Variants in PBLD observed in about 807,000 individuals in gnomAD.
The protein encoded by PBLD is phenazine biosynthesis-like domain-containing protein.
Under a neutral mutation model 31.3 loss-of-function variants are expected in PBLD, and 26 were observed. That is an observed-to-expected ratio of 0.83 (90% CI 0.61 to 1.15). The LOEUF is 1.15. PBLD is among the 50% of genes most tolerant of loss of function. PBLD has a pLI of 0.00. For missense variants in PBLD, 307 were observed against 351.7 expected, an observed-to-expected ratio of 0.87 and a Z score of 1.02; for synonymous variants, 114 against 129.0, an observed-to-expected ratio of 0.88 and a Z score of 0.79.
In PBLD at chr10:68,283,942, T is replaced by G; in HGVS notation, c.*235A>C. On this transcript the variant is annotated 3_prime_UTR_variant, in exon 10 of 10. Transcript: ENST00000358769. ...TTGTATTTGTAGTAGAGACGAGGTT[T>G]CACCATGTTGGCCAGGCTGGTGTCG... is the stretch of plus-strand genomic sequence containing the variant. 1 of 356,284 alleles carries G rather than the reference T, an allele frequency of 2.8e-6. No homozygotes were observed. The highest frequency in any genetic ancestry group is 5.2e-6 in the Non-Finnish European group (1 of 192,250). 22.1% of individuals were successfully genotyped at this position (356,284 alleles called of 1,614,324 possible). A position where few individuals can be genotyped will look rare whatever the true frequency, so the allele number is the denominator to read the frequency against.
At chr10:68,297,482 G>T (rs1272826713) in intron 2 of PBLD, among the ~76,000 whole-genome samples, 1 of 152,126 alleles carries the variant, frequency 6.6e-6, no homozygotes, top group Non-Finnish European at 1.5e-5. Flanking sequence ...GTGTCTAAAG[G>T]TGTTGTCTCC....
At chr10:68,320,006 AGAG>A (rs962072274) in intron 1 of PBLD, among the ~76,000 whole-genome samples, 3 of 151,876 alleles carry the variant, frequency 2.0e-5, no homozygotes, top group Admixed American at 1.3e-4. Context: ...TATTTTTAGT[AGAG>A]AAGAGGTTTC....
intron 1 of PBLD, among the ~76,000 whole-genome samples, chr10:68,322,345 A>G (rs2044847563): frequency 6.6e-6 from 1 of 152,080 alleles, no homozygotes; most frequent in Non-Finnish European, 1.5e-5. Context: ...AGCCGTACAT[A>G]AAATTTGGAG....
At chr10:68,322,008 C>G (rs557342987) in intron 1 of PBLD, among the ~76,000 whole-genome samples, 1 of 152,256 alleles carries the variant, frequency 6.6e-6, no homozygotes, top group South Asian at 2.1e-4. Context: ...CTCTCAGTAA[C>G]TTGCTTCCAA....
chr10:68,320,503 T>G (rs2044817731), intron 1 of PBLD, among the ~76,000 whole-genome samples: 1 of 152,132 alleles, frequency 6.6e-6, no homozygotes, highest in Non-Finnish European at 1.5e-5. Context: ...TCAAGTCCAT[T>G]ATATAAAATG....
intron 1 of PBLD, among the ~76,000 whole-genome samples, chr10:68,324,156 CTT>C (rs200031349): frequency 6.8e-6 from 1 of 146,192 alleles, no homozygotes. Context: ...TCCTAATTTT[CTT>C]TTTTTTTTTT....
At chr10:68,312,573 A>G (rs967713341) in intron 1 of PBLD, among the ~76,000 whole-genome samples, 1 of 86,550 alleles carries the variant, frequency 1.2e-5, no homozygotes, top group African/African-American at 4.5e-5. Context: ...TTTGTTATTG[A>G]TTTTCTTTCT....
intron 9 of PBLD, 141 bp downstream of exon 9, chr10:68,285,207 T>C: frequency 6.6e-7 from 1 of 1,514,112 alleles, no homozygotes; most frequent in African/African-American, 1.4e-5. Context: ...TCTTTAAGGG[T>C]GAAGGAATTT....
At chr10:68,330,577 G>C (rs1297855356) in intron 1 of PBLD, among the ~76,000 whole-genome samples, 2 of 152,076 alleles carry the variant, frequency 1.3e-5, no homozygotes, top group Non-Finnish European at 2.9e-5. Context: ...ACGGAGTCTC[G>C]CTCTGTCGCC....
chr10:68,285,149 C>A (rs2044270393), intron 9 of PBLD, 199 bp downstream of exon 9: 2 of 1,432,382 alleles, frequency 1.4e-6, no homozygotes, highest in Admixed American at 2.8e-5. Flanking sequence ...TCTGTACAGT[C>A]TCTGTATGTT....
At chr10:68,323,874 A>C (rs145033877) in intron 1 of PBLD, among the ~76,000 whole-genome samples, 5 of 152,214 alleles carry the variant, frequency 3.3e-5, no homozygotes, top group Admixed American at 6.5e-5. Context: ...GCCTGAGGCC[A>C]TCCCAAAAAA....
chr10:68,332,652 G>A (rs757949004), intron 1 of PBLD, 132 bp downstream of exon 1: 2 of 152,358 alleles, frequency 1.3e-5, no homozygotes, highest in Non-Finnish European at 2.9e-5. Context: ...GTAGTGAAGC[G>A]AGCAGGGAAA....
chr10:68,332,589 C>T (rs1342903057), intron 1 of PBLD, among the ~76,000 whole-genome samples, 195 bp downstream of exon 1: 1 of 152,170 alleles, frequency 6.6e-6, no homozygotes, highest in Non-Finnish European at 1.5e-5. Context: ...GAAAACTGAT[C>T]TAGAAGGCCA....
rs1269632031 is a variant in PBLD, at chr10:68,292,165, G to A, written c.357C>T (p.Ile119=). 3.1e-6 allele frequency: 5 copies of A among 1,613,848 alleles called. No individual in the cohort carries two copies. Among genetic ancestry groups the A allele is most frequent in the Middle Eastern group, 1.6e-4 (1 of 6,082 alleles). The change falls in exon 5 of 10, where the codon ATC becomes ATT. Residue 119 remains isoleucine, a synonymous_variant. Coordinates refer to ENST00000358769, the MANE Select transcript of PBLD (RefSeq NM_022129.4). ...CTGGATAAAGAGGCAAGTCCAGGAC[G>A]ATGCCATCCTCTGCTCGTCTGGCCC... ...ELRARRAEDG[I]VLDLPLYPAH...
chr10:68,331,311 C>G (rs796105373), intron 1 of PBLD: 9 of 152,372 alleles, frequency 5.9e-5, no homozygotes, highest in African/African-American at 2.2e-4. Flanking sequence ...TCGGCCTCCA[C>G]AGGCTAATCA....
chr10:68,310,365 GTATA>G lies in PBLD; in HGVS notation c.-59-3466_-59-3463del, dbSNP rs34887418. On this transcript the variant is annotated intron_variant, in intron 1 of 9. Coordinates refer to ENST00000358769, the MANE Select transcript of PBLD (RefSeq NM_022129.4). ...ATCATGTACAATATAATGTTTTGAA[GTATA>G]TATATATATATATATACACATTGTG... 1.6e-4 allele frequency among the ~76,000 whole-genome samples: 22 copies of G among 140,340 alleles called. 1 individual carries two copies. Among genetic ancestry groups the G allele is most frequent in the African/African-American group, 3.7e-4 (14 of 38,074 alleles). The allele number at this position is 140,340 out of a possible 152,430, so 92.1% of individuals were successfully genotyped here. A position where few individuals can be genotyped will look rare whatever the true frequency, so the allele number is the denominator to read the frequency against.
intron 1 of PBLD, among the ~76,000 whole-genome samples, chr10:68,324,862 T>G (rs974385298): frequency 6.9e-6 from 1 of 145,480 alleles, no homozygotes; most frequent in Non-Finnish European, 1.5e-5. Flanking sequence ...ATGATCCACA[T>G]GCCTTGGCCT....
chr10:68,289,034 CA>C lies in PBLD; in HGVS notation c.424-16del. 1.2e-6 allele frequency: 2 copies of C among 1,601,260 alleles called. No homozygotes were observed. The highest frequency in any genetic ancestry group is 1.7e-6 in the Non-Finnish European group (2 of 1,169,320). ...CCTATGGCAGTCTGTGGAGACAGAC[CA>C]AAAACTCCTCAGGGACATGCCCTGG... On this transcript the variant is annotated splice_polypyrimidine_tract_variant and intron_variant, in intron 6 of 9. Transcript: ENST00000358769.
chr10:68,326,105 G>C (rs538646850), intron 1 of PBLD, among the ~76,000 whole-genome samples: 8 of 152,132 alleles, frequency 5.3e-5, no homozygotes, highest in African/African-American at 1.7e-4. Flanking sequence ...GTCTTACTCT[G>C]TTGCCGAGGT....
Sources: allele counts gnomAD v4.1 joint callset (sites outside exome capture counted in the v4.1 genomes callset), GRCh38; gene constraint gnomAD v4.1.1; transcripts MANE v1.5; gene names NCBI Gene and HGNC (gene_info 2026-07-23, HGNC 2026-07-21).